MCC: variants seen among roughly 807,000 people sequenced by gnomAD.
MCC encodes MCC regulator of Wnt signaling pathway.
In MCC, 90 loss-of-function variants were observed where a neutral mutation model predicts 116.2. The ratio of observed to expected loss-of-function variants is 0.77; its 90% CI spans 0.65 to 0.92. MCC has a LOEUF of 0.92. MCC is among the 40% of genes least tolerant of loss of function. MCC has a pLI of 0.00. For synonymous variants in MCC, 578 were observed against 510.5 expected, an observed-to-expected ratio of 1.13 and a Z score of -1.78; for missense variants, 1,516 against 1,312.2, an observed-to-expected ratio of 1.16 and a Z score of -2.40.
chr5:113,400,552 C>A (rs537735860), intron 1 of MCC, among the ~76,000 whole-genome samples: 1 of 152,166 alleles, frequency 6.6e-6, no homozygotes, highest in Non-Finnish European at 1.5e-5. Context: ...CAAGACTCAG[C>A]CTATCTTCAC....
intron 15 of MCC, among the ~76,000 whole-genome samples, chr5:113,051,000 A>G (rs2150221254): frequency 6.6e-6 from 1 of 152,382 alleles, no homozygotes; most frequent in African/African-American, 2.4e-5. Context: ...GTCATCTCTC[A>G]GGCTCTGTGT....
chr5:113,048,425 T>G (rs1212974746), intron 16 of MCC: 3 of 152,316 alleles, frequency 2.0e-5, no homozygotes, highest in Non-Finnish European at 4.4e-5. Context: ...GTGTAGACAC[T>G]CCCCACCCAT....
intron 3 of MCC, among the ~76,000 whole-genome samples, chr5:113,259,672 G>A (rs982275097): frequency 6.6e-6 from 1 of 152,090 alleles, no homozygotes; most frequent in Non-Finnish European, 1.5e-5. Flanking sequence ...CCTTTAGGGT[G>A]ATTCGAACTC....
intron 3 of MCC, among the ~76,000 whole-genome samples, chr5:113,177,167 G>A (rs78676385): frequency 6.6e-6 from 1 of 152,000 alleles, no homozygotes; most frequent in African/African-American, 2.4e-5. Flanking sequence ...CTCCTATGTA[G>A]CCTCCTAGTT....
At chr5:113,069,969 G>A (rs1196339444) in intron 12 of MCC, among the ~76,000 whole-genome samples, 1 of 152,168 alleles carries the variant, frequency 6.6e-6, no homozygotes, top group African/African-American at 2.4e-5. Context: ...CCAGCTCCTC[G>A]TTTCAAAGGC....
At chr5:113,058,587 A>G (rs1322867232) in intron 14 of MCC, among the ~76,000 whole-genome samples, 2 of 152,230 alleles carry the variant, frequency 1.3e-5, no homozygotes, top group East Asian at 3.8e-4. Context: ...TTCTAGGTAG[A>G]GGCCACAATG....
At chr5:113,158,180 C>A (rs1760280381) in intron 3 of MCC, among the ~76,000 whole-genome samples, 1 of 152,218 alleles carries the variant, frequency 6.6e-6, no homozygotes, top group South Asian at 2.1e-4. Flanking sequence ...CAGTTGACTG[C>A]AAGTAAATGA....
intron 1 of MCC, among the ~76,000 whole-genome samples, chr5:113,468,819 T>C (rs1187860366): frequency 1.3e-5 from 2 of 152,226 alleles, no homozygotes; most frequent in African/African-American, 4.8e-5. Flanking sequence ...TCCTGGACTT[T>C]TTTTGGTTGG....
chr5:113,084,516 A>G (rs1417636716), intron 9 of MCC, among the ~76,000 whole-genome samples: 2 of 152,226 alleles, frequency 1.3e-5, no homozygotes, highest in Non-Finnish European at 2.9e-5. Flanking sequence ...GACATTGCCA[A>G]ATGTCCCCTG....
At position 113,063,881 on chromosome 5, in the gene MCC, C is replaced by A; in HGVS notation, c.2213+103G>T. 3 of 1,301,276 alleles carry A rather than the reference C, an allele frequency of 2.3e-6. No homozygotes were observed. The South Asian group carries it at 4.6e-5, about 20-fold the overall frequency. 80.6% of individuals were successfully genotyped at this position (1,301,276 alleles called of 1,614,324 possible). A position where few individuals can be genotyped will look rare whatever the true frequency, so the allele number is the denominator to read the frequency against. ...TGCCAGAAGCCATGTCTGCCTTTTC[C>A]CAAGCCACACAGTCCCCAAGAGCTG... On this transcript the variant is annotated intron_variant, in intron 14 of 18. Transcript: ENST00000408903.
intron 1 of MCC, among the ~76,000 whole-genome samples, chr5:113,403,699 A>G (rs1769754718): frequency 6.6e-6 from 1 of 152,148 alleles, no homozygotes; most frequent in African/African-American, 2.4e-5. Context: ...GGAGGAAAGG[A>G]AGCAGCAGAG....
At chr5:113,283,036 T>C (rs1364442180) in intron 3 of MCC, among the ~76,000 whole-genome samples, 1 of 152,232 alleles carries the variant, frequency 6.6e-6, no homozygotes, top group Non-Finnish European at 1.5e-5. Context: ...GTAGAGTTGC[T>C]GGGTGTCGGC....
Position 113,151,441 on chromosome 5 carries a change from G to A in MCC, c.628-19C>T, listed in dbSNP as rs549678925. ...AATGGAGCTGTGGTGACAGAAAGGA[G>A]GAGATTAGAGTATTGTAGCAGAGAT... On this transcript the variant is annotated intron_variant, in intron 3 of 18. Transcript: ENST00000408903. 65 of 1,302,072 alleles carry A rather than the reference G, an allele frequency of 5.0e-5. No individual in the cohort carries two copies. Among genetic ancestry groups the A allele is most frequent in the Admixed American group, 4.5e-4 (26 of 57,252 alleles). 80.7% of individuals were successfully genotyped at this position (1,302,072 alleles called of 1,614,324 possible).
intron 3 of MCC, among the ~76,000 whole-genome samples, chr5:113,196,749 T>C (rs1032371003): frequency 5.3e-5 from 8 of 152,128 alleles, no homozygotes. Flanking sequence ...CTCAGGAGGC[T>C]GAGGCAGGAG....
intron 1 of MCC, among the ~76,000 whole-genome samples, chr5:113,488,022 G>A (rs1772590520): frequency 1.3e-5 from 2 of 152,090 alleles, no homozygotes. Context: ...CAAAGACAGC[G>A]CTGGGAAAAG....
intron 3 of MCC, among the ~76,000 whole-genome samples, chr5:113,282,718 T>C (rs1561504768): frequency 6.6e-6 from 1 of 152,226 alleles, no homozygotes; most frequent in South Asian, 2.1e-4. Flanking sequence ...TAGTCCCATA[T>C]GGCGCTTACT....
At chr5:113,372,512 T>C (rs1009647067) in intron 2 of MCC, among the ~76,000 whole-genome samples, 1 of 152,232 alleles carries the variant, frequency 6.6e-6, no homozygotes, top group Non-Finnish European at 1.5e-5. Flanking sequence ...AAAAAATATA[T>C]ATATTGTATT....
At chr5:113,259,069 C>G (rs543813488) in intron 3 of MCC, among the ~76,000 whole-genome samples, 11 of 151,896 alleles carry the variant, frequency 7.2e-5, no homozygotes, top group African/African-American at 2.4e-4. Flanking sequence ...TATTTTAAAC[C>G]CACCCATATT....
At chr5:113,029,798 CCCTT>C (rs1244275402) in intron 17 of MCC, among the ~76,000 whole-genome samples, 1 of 152,220 alleles carries the variant, frequency 6.6e-6, no homozygotes, top group Non-Finnish European at 1.5e-5. Context: ...TACTCTGACT[CCCTT>C]CCAAGATCCT....
Sources: allele counts gnomAD v4.1 joint callset (sites outside exome capture counted in the v4.1 genomes callset), GRCh38; gene constraint gnomAD v4.1.1; transcripts MANE v1.5; gene names NCBI Gene and HGNC (gene_info 2026-07-23, HGNC 2026-07-21).